Variants in LRRIQ3 observed in about 807,000 individuals in gnomAD.
The protein encoded by LRRIQ3 is leucine rich repeats and IQ motif containing 3.
A neutral mutation model predicts 59.3 loss-of-function variants in LRRIQ3; 75 were observed. The observed-to-expected ratio is 1.26, with a 90% CI of 1.05 to 1.53. LRRIQ3 has a LOEUF of 1.53. Ranked by LOEUF, LRRIQ3 falls within the 40% of genes most tolerant of loss-of-function variation. LRRIQ3 has a pLI of 0.00. For synonymous variants in LRRIQ3, 250 were observed against 231.3 expected (o/e 1.08, Z -0.73); for missense variants, 831 against 710.0 (o/e 1.17, Z -1.94).
intron 4 of LRRIQ3, among the ~76,000 whole-genome samples, chr1:74,139,438 C>T (rs1647192321): frequency 6.6e-6 from 1 of 151,764 alleles, no homozygotes; most frequent in South Asian, 2.1e-4. Context: ...CAACCACTAC[C>T]CATTTGCTCA....
chr1:74,177,983 C>A (rs957219453), intron 3 of LRRIQ3, among the ~76,000 whole-genome samples: 1 of 151,832 alleles, frequency 6.6e-6, no homozygotes, highest in African/African-American at 2.4e-5. Context: ...TACTATTGTG[C>A]ACATTAATGG....
chr1:74,076,765 G>T (rs915225928), intron 5 of LRRIQ3, among the ~76,000 whole-genome samples: 1 of 151,896 alleles, frequency 6.6e-6, no homozygotes, highest in Non-Finnish European at 1.5e-5. Flanking sequence ...TAGGGTAAGG[G>T]CTTTTTAATG....
At position 74,074,717 on chromosome 1, in the gene LRRIQ3, A is replaced by C; in HGVS notation, c.941T>G (p.Leu314Ter). The C allele has an allele frequency of 6.8e-7, 1 of 1,462,482 alleles. No individual in the cohort carries two copies. The highest frequency in any genetic ancestry group is 1.4e-5 in the African/African-American group (1 of 69,726). The allele number at this position is 1,462,482 out of a possible 1,614,324, so 90.6% of individuals were successfully genotyped here. Residue 314 changes from leucine (L) to a stop codon, truncating the protein, a stop_gained, in exon 6 of 8, where the codon TTA becomes TGA. Coordinates refer to ENST00000354431, the MANE Select transcript of LRRIQ3 (RefSeq NM_001105659.2). LOFTEE classifies it high-confidence loss of function. The part of the protein sequence containing the change: ...RKHVSSILCE[L>*]KPKDLGMKSK... ...TTTCATGCCTAGATCTTTTGGTTTTAATTCACATAAAATAGATGACACATG... is the reference window on the plus strand; with the variant it reads ...TTTCATGCCTAGATCTTTTGGTTTTCATTCACATAAAATAGATGACACATG...
Position 74,185,672 on chromosome 1 carries a change from A to C in LRRIQ3, c.1-1988T>G, listed in dbSNP as rs549358257. Among the ~76,000 whole-genome samples, 9 of 152,124 alleles carry C rather than the reference A, an allele frequency of 5.9e-5. No homozygotes were observed. The South Asian group carries it at 6.2e-4, about 10-fold the overall frequency. ...AAAAGTCCTTGAAAGGGCCGGGCGC[A>C]GTGGCTCACGCCTGTAATCCCAGCA... On this transcript the variant is annotated intron_variant, in intron 1 of 7. Transcript: ENST00000354431.
intron 5 of LRRIQ3, 138 bp from the exon 6 acceptor site, chr1:74,074,928 G>T: frequency 5.2e-6 from 2 of 381,150 alleles, no homozygotes; most frequent in Middle Eastern, 7.0e-4. Flanking sequence ...GAGGTAGGCA[G>T]GGTTAAGAAA....
At chr1:74,140,266 C>T (rs1007233602) in intron 4 of LRRIQ3, among the ~76,000 whole-genome samples, 7 of 151,438 alleles carry the variant, frequency 4.6e-5, no homozygotes, top group African/African-American at 1.7e-4. Context: ...CAAAACAAGC[C>T]AGTGTAAATA....
intron 4 of LRRIQ3, among the ~76,000 whole-genome samples, chr1:74,141,389 C>A (rs988758489): frequency 5.3e-5 from 8 of 151,450 alleles, no homozygotes; most frequent in African/African-American, 1.9e-4. Flanking sequence ...CTATAAAACA[C>A]GGTTTGAGCT....
intron 6 of LRRIQ3, among the ~76,000 whole-genome samples, chr1:74,054,332 A>G (rs1013477707): frequency 1.3e-5 from 2 of 152,174 alleles, no homozygotes; most frequent in Non-Finnish European, 2.9e-5. Context: ...GAACAGGTAA[A>G]CCTGTAAATA....
intron 6 of LRRIQ3, among the ~76,000 whole-genome samples, chr1:74,063,802 T>A (rs1654795699): frequency 6.6e-6 from 1 of 151,944 alleles, no homozygotes; most frequent in Non-Finnish European, 1.5e-5. Flanking sequence ...GTGTTTGCTT[T>A]AAAAAGTATG....
intron 5 of LRRIQ3, among the ~76,000 whole-genome samples, chr1:74,107,429 T>A (rs1646630260): frequency 6.6e-6 from 1 of 151,844 alleles, no homozygotes; most frequent in Non-Finnish European, 1.5e-5. Flanking sequence ...CAATTATCAC[T>A]ATAGTTTCTT....
At chr1:74,087,234 C>A (rs1047786285) in intron 5 of LRRIQ3, among the ~76,000 whole-genome samples, 6 of 151,906 alleles carry the variant, frequency 3.9e-5, no homozygotes, top group African/African-American at 1.4e-4. Flanking sequence ...CACATTTTGT[C>A]TCATACATCT....
chr1:74,092,838 A>G (rs1355578120), intron 5 of LRRIQ3, among the ~76,000 whole-genome samples: 1 of 152,064 alleles, frequency 6.6e-6, no homozygotes, highest in Non-Finnish European at 1.5e-5. Flanking sequence ...GGGACTTCAA[A>G]GTAGAAATAA....
At chr1:74,079,435 T>G (rs1440203437) in intron 5 of LRRIQ3, among the ~76,000 whole-genome samples, 1 of 151,852 alleles carries the variant, frequency 6.6e-6, no homozygotes, top group African/African-American at 2.4e-5. Flanking sequence ...CTCCTTTTCC[T>G]TCAGGACTTA....
rs541308073 is a variant in LRRIQ3 at position 74,185,865 on chromosome 1, C to G, written c.1-2181G>C. On this transcript the variant is annotated intron_variant, in intron 1 of 7. Transcript: ENST00000354431. ...GGCTGAGGCAGGAGAATGGTGTGAA[C>G]CCAGGAGCGTGCACTCCAGCCTGGG... Among the ~76,000 whole-genome samples, 11 of 151,920 alleles carry G rather than the reference C, an allele frequency of 7.2e-5. No individual in the cohort carries two copies. The East Asian group carries it at 2.1e-3, about 30-fold the overall frequency.
chr1:74,143,232 GATA>G (rs1647345799), intron 4 of LRRIQ3, among the ~76,000 whole-genome samples: 2 of 151,904 alleles, frequency 1.3e-5, no homozygotes, highest in African/African-American at 4.8e-5. Flanking sequence ...CTATTTTATG[GATA>G]ATATTTAATT....
chr1:74,157,228 G>A (rs1208594612), intron 3 of LRRIQ3, among the ~76,000 whole-genome samples: 1 of 151,940 alleles, frequency 6.6e-6, no homozygotes, highest in Non-Finnish European at 1.5e-5. Flanking sequence ...AGAGAAACTA[G>A]AGCCATCAAG....
chr1:74,082,347 T>A (rs1646282601), intron 5 of LRRIQ3: 1 of 151,532 alleles, frequency 6.6e-6, no homozygotes, highest in African/African-American at 2.4e-5. Flanking sequence ...TTTATAAATC[T>A]AATCATTTTA....
In LRRIQ3 at chr1:74,197,983, C is replaced by T; in HGVS notation, c.-1+13G>A. 2.0e-6 allele frequency: 1 copy of T among 494,986 alleles called. No homozygotes were observed. The highest frequency in any genetic ancestry group is 3.5e-6 in the Non-Finnish European group (1 of 283,602). 30.7% of individuals were successfully genotyped at this position (494,986 alleles called of 1,614,324 possible). ...GGTTCTAACAATTTTGTCACCCAAA[C>T]TGAACCACTCACCGGGTCAACTGGG... On this transcript the variant is annotated intron_variant, in intron 1 of 7. Coordinates refer to ENST00000354431, the MANE Select transcript of LRRIQ3 (RefSeq NM_001105659.2).
At chr1:74,178,386 T>G (rs1237169912) in intron 3 of LRRIQ3, among the ~76,000 whole-genome samples, 2 of 152,086 alleles carry the variant, frequency 1.3e-5, no homozygotes, top group Non-Finnish European at 2.9e-5. Context: ...ATCTTTTGTA[T>G]TTTTTGAAAG....
Sources: gnomAD v4.1 joint callset for allele counts (sites outside exome capture counted in the v4.1 genomes callset) on GRCh38, gnomAD v4.1.1 for gene constraint, MANE v1.5 for transcripts, NCBI Gene and HGNC (gene_info 2026-07-23, HGNC 2026-07-21) for gene names.